The following TPD52 variants were observed in gnomAD, a reference collection of about 807,000 sequenced individuals.
The protein encoded by TPD52 is tumor protein D52, also known as prostate and colon associated protein.
In TPD52, 17 loss-of-function variants were observed where a neutral mutation model predicts 31.3. That is an observed-to-expected ratio of 0.54 (90% CI 0.37 to 0.82). TPD52 has a LOEUF of 0.82. Ranked by LOEUF, TPD52 falls within the 40% of genes least tolerant of loss-of-function variation. TPD52 has a pLI of 0.00. For missense variants in TPD52, 212 were observed against 240.1 expected (o/e 0.88, Z 0.77); for synonymous variants, 83 against 89.6 (o/e 0.93, Z 0.42).
intron 1 of TPD52, among the ~76,000 whole-genome samples, chr8:80,145,723 A>G (rs778581539): frequency 5.3e-5 from 8 of 152,218 alleles, no homozygotes; most frequent in Non-Finnish European, 1.0e-4. Flanking sequence ...GAAATGACTC[A>G]GTTTCTCTAC....
intron 1 of TPD52, among the ~76,000 whole-genome samples, chr8:80,102,003 C>T (rs765653844): frequency 2.0e-5 from 3 of 152,180 alleles, no homozygotes; most frequent in Non-Finnish European, 4.4e-5. Flanking sequence ...AGCCTGTGTG[C>T]ACACACTGAG....
chr8:80,057,685 G>A (rs1812046662), intron 2 of TPD52, among the ~76,000 whole-genome samples: 1 of 152,138 alleles, frequency 6.6e-6, no homozygotes, highest in Admixed American at 6.5e-5. Context: ...AGGGAGAGTT[G>A]GGGGAAAGAG....
chr8:80,080,032 G>A (rs1198107305), intron 1 of TPD52, among the ~76,000 whole-genome samples: 1 of 152,142 alleles, frequency 6.6e-6, no homozygotes, highest in Admixed American at 6.6e-5. Context: ...TTATTTACCA[G>A]CTCAACAAAC....
intron 1 of TPD52, among the ~76,000 whole-genome samples, chr8:80,074,457 G>A (rs780609617): frequency 2.2e-4 from 34 of 152,146 alleles, no homozygotes; most frequent in African/African-American, 3.9e-4. Context: ...GGTTGTCTTC[G>A]GGAGACCCAA....
At chr8:80,090,262 A>T (rs952168674) in intron 1 of TPD52, among the ~76,000 whole-genome samples, 1 of 152,158 alleles carries the variant, frequency 6.6e-6, no homozygotes, top group African/African-American at 2.4e-5. Context: ...AGCCAGGCAC[A>T]GTGGTGCACA....
At chr8:80,070,212 T>A (rs1813622673) in intron 1 of TPD52, among the ~76,000 whole-genome samples, 1 of 151,984 alleles carries the variant, frequency 6.6e-6, no homozygotes, top group Non-Finnish European at 1.5e-5. Context: ...CCAACCCCCC[T>A]TTGGAGCACC....
chr8:80,056,064 G>A (rs1043612579), intron 2 of TPD52, among the ~76,000 whole-genome samples: 3 of 152,154 alleles, frequency 2.0e-5, no homozygotes, highest in Non-Finnish European at 2.9e-5. Context: ...AAGGAAATCA[G>A]TGTATCAAAG....
Position 80,072,794 on chromosome 8 carries a change from C to CATATATAT in TPD52, c.20-8202_20-8201insATATATAT, listed in dbSNP as rs202061225. On this transcript the variant is annotated intron_variant, in intron 1 of 7. Transcript: ENST00000518937. ...ACATATATATACACATACACACACA[C>CATATATAT]ACACATATATATATATATATAAACT... Among the ~76,000 whole-genome samples the CATATATAT allele has an allele frequency of 2.2e-4, 31 of 141,974 alleles. 1 individual carries two copies. The highest frequency in any genetic ancestry group is 9.1e-4 in the African/African-American group (30 of 32,856). 93.1% of individuals were successfully genotyped at this position (141,974 alleles called of 152,430 possible). A position where few individuals can be genotyped will look rare whatever the true frequency, so the allele number is the denominator to read the frequency against.
At chr8:80,084,920 A>G (rs1815621179) in intron 1 of TPD52, among the ~76,000 whole-genome samples, 1 of 152,374 alleles carries the variant, frequency 6.6e-6, no homozygotes, top group East Asian at 1.9e-4. Flanking sequence ...AAAAAGCAAT[A>G]CAAATGCCTA....
chr8:80,126,997 T>C lies in TPD52; in HGVS notation c.19+44428A>G, dbSNP rs548350780. Among the ~76,000 whole-genome samples, 19 of 152,016 alleles carry C rather than the reference T, an allele frequency of 1.2e-4. No homozygotes were observed. In the South Asian group the frequency reaches 3.8e-3, roughly 30 times the overall value. ...GGTGGCATACACCTGTGGTCCCAGT[T>C]ACTCAGAAGGCTGAGGTGGAAGGAT... On this transcript the variant is annotated intron_variant, in intron 1 of 7. Coordinates refer to ENST00000518937, the MANE Select transcript of TPD52 (RefSeq NM_001025253.3).
intron 5 of TPD52, among the ~76,000 whole-genome samples, chr8:80,046,861 CT>C (rs1404057699): frequency 2.0e-5 from 3 of 151,930 alleles, no homozygotes; most frequent in Non-Finnish European, 2.9e-5. Flanking sequence ...AAAAATATTC[CT>C]TGTTTCTAAC....
chr8:80,114,218 G>A (rs1253192762), intron 1 of TPD52, among the ~76,000 whole-genome samples: 3 of 152,084 alleles, frequency 2.0e-5, no homozygotes, highest in Admixed American at 6.6e-5. Flanking sequence ...CAGCCTGGGC[G>A]ACAGAGTGAG....
At chr8:80,096,835 T>C (rs1816779964) in intron 1 of TPD52, among the ~76,000 whole-genome samples, 1 of 152,150 alleles carries the variant, frequency 6.6e-6, no homozygotes, top group Non-Finnish European at 1.5e-5. Flanking sequence ...AATATGGAAA[T>C]TAGGCCAATT....
At chr8:80,148,674 A>G (rs138191926) in intron 1 of TPD52, among the ~76,000 whole-genome samples, 1 of 152,258 alleles carries the variant, frequency 6.6e-6, no homozygotes, top group African/African-American at 2.4e-5. Context: ...TGCTAAATAA[A>G]AGCACATTCT....
chr8:80,096,949 T>C (rs904215300), intron 1 of TPD52, among the ~76,000 whole-genome samples: 5 of 152,228 alleles, frequency 3.3e-5, no homozygotes, highest in African/African-American at 1.2e-4. Context: ...GAGAAAGGCA[T>C]GTCAATAGTC....
intron 1 of TPD52, among the ~76,000 whole-genome samples, chr8:80,127,203 C>G (rs1420956025): frequency 1.3e-5 from 2 of 152,088 alleles, no homozygotes; most frequent in Non-Finnish European, 2.9e-5. Context: ...AATCAATTGA[C>G]TCATCAGCTA....
chr8:80,054,573 C>T (rs1227015806), intron 2 of TPD52, among the ~76,000 whole-genome samples: 1 of 152,010 alleles, frequency 6.6e-6, no homozygotes, highest in African/African-American at 2.4e-5. Context: ...TATTTTCAGC[C>T]CCAACCTGCA....
At chr8:80,061,360 A>G (rs1812511760) in intron 2 of TPD52, among the ~76,000 whole-genome samples, 1 of 140,974 alleles carries the variant, frequency 7.1e-6, no homozygotes. Flanking sequence ...GTGAAACTCC[A>G]TACCTTCCCC....
At chr8:80,109,698 C>T (rs4740117) in intron 1 of TPD52, among the ~76,000 whole-genome samples, 67,598 of 151,992 alleles carry the variant, frequency 0.44, 15,520 homozygotes, top group East Asian at 0.79. Flanking sequence ...TGAGCCACCG[C>T]GCCTGGCCCA....
Sources: allele counts gnomAD v4.1 joint callset (sites outside exome capture counted in the v4.1 genomes callset), GRCh38; gene constraint gnomAD v4.1.1; transcripts MANE v1.5; gene names NCBI Gene and HGNC (gene_info 2026-07-23, HGNC 2026-07-21).